The following INSYN2A variants were observed in gnomAD, a reference collection of about 807,000 sequenced individuals.
INSYN2A encodes the protein inhibitory synaptic factor 2A.
INSYN2A carries 17 observed loss-of-function variants against 39.4 expected under a neutral mutation model. The observed-to-expected ratio is 0.43, with a 90% CI of 0.30 to 0.65. INSYN2A has a LOEUF of 0.65. Ranked by LOEUF, INSYN2A falls within the 30% of genes least tolerant of loss-of-function variation. The pLI is 0.14. For synonymous variants in INSYN2A, 255 were observed against 265.7 expected, an observed-to-expected ratio of 0.96 and a Z score of 0.39; for missense variants, 595 against 631.2, an observed-to-expected ratio of 0.94 and a Z score of 0.61.
At chr10:127,142,214 C>T (rs938532263) in intron 5 of INSYN2A, among the ~76,000 whole-genome samples, 9 of 152,198 alleles carry the variant, frequency 5.9e-5, no homozygotes, top group African/African-American at 1.9e-4. Flanking sequence ...TTTCCCAGGG[C>T]GGCTCCAGTG....
chr10:127,186,608 A>T lies in INSYN2A; in HGVS notation c.-269+5997T>A, dbSNP rs1008146272. On this transcript the variant is annotated intron_variant, in intron 2 of 5. Transcript: ENST00000522781. ...TTGGAGGTGAGATTTGGGTGGGGAC[A>T]GAGAGCCAAACCGTATCAGAGGGGC... 4.1e-5 allele frequency among the ~76,000 whole-genome samples: 6 copies of T among 147,682 alleles called. No individual in the cohort carries two copies. In the South Asian group the frequency reaches 6.5e-4, roughly 16 times the overall value.
chr10:127,159,580 G>A (rs1220092354), intron 4 of INSYN2A, among the ~76,000 whole-genome samples: 1 of 152,142 alleles, frequency 6.6e-6, no homozygotes, highest in African/African-American at 2.4e-5. Context: ...CAGGTCTTCA[G>A]TTAATCCTTT....
At chr10:127,173,069 G>T (rs964620727) in intron 4 of INSYN2A, among the ~76,000 whole-genome samples, 1 of 152,132 alleles carries the variant, frequency 6.6e-6, no homozygotes, top group African/African-American at 2.4e-5. Context: ...GCATATAGGG[G>T]ATGCATTCAT....
At chr10:127,192,474 T>G (rs532234310) in intron 2 of INSYN2A, 131 bp downstream of exon 2, 2 of 152,368 alleles carry the variant, frequency 1.3e-5, no homozygotes, top group South Asian at 4.1e-4. Context: ...TGTTTTGTTT[T>G]TATTCAGGTA....
At chr10:127,140,596 T>A (rs1252943779) in intron 5 of INSYN2A, among the ~76,000 whole-genome samples, 1 of 152,188 alleles carries the variant, frequency 6.6e-6, no homozygotes, top group East Asian at 1.9e-4. Flanking sequence ...AGGACTTTTC[T>A]TGGGGAAGCA....
intron 4 of INSYN2A, among the ~76,000 whole-genome samples, chr10:127,168,835 A>G (rs1288618735): frequency 2.0e-5 from 3 of 152,112 alleles, no homozygotes; most frequent in Admixed American, 6.5e-5. Context: ...AGCGGTGCAC[A>G]ATTTTCCATG....
intron 2 of INSYN2A, among the ~76,000 whole-genome samples, chr10:127,182,112 G>A (rs1467166886): frequency 6.6e-6 from 1 of 152,084 alleles, no homozygotes; most frequent in Non-Finnish European, 1.5e-5. Flanking sequence ...ACACGGAGAT[G>A]GCACGCCCCG....
chr10:127,191,683 C>G (rs1410823828), intron 2 of INSYN2A, among the ~76,000 whole-genome samples: 2 of 152,190 alleles, frequency 1.3e-5, no homozygotes, highest in Non-Finnish European at 2.9e-5. Flanking sequence ...CCTAGAAACA[C>G]AAAGACTGCT....
At chr10:127,172,997 T>C (rs11816150) in intron 4 of INSYN2A, among the ~76,000 whole-genome samples, 5,796 of 152,284 alleles carry the variant, frequency 0.038, 387 homozygotes, top group African/African-American at 0.13. Context: ...TAGTGGCCAC[T>C]GTATTGGATA....
In INSYN2A at chr10:127,176,118, C is replaced by T. The variant is rs755325636; in HGVS notation, c.278G>A (p.Arg93His). ...CTTGGTGACGTTGGGGATGGACCTG[C>T]GTGCGGGCACTGTCATGTATTTGCG... ...AYRKYMTVPARRSIPNVTKST... is the reference protein window; with the variant it reads ...AYRKYMTVPAHRSIPNVTKST... Residue 93 changes from arginine to histidine, a missense_variant, in exon 4 of 6, where the codon CGC (arginine) becomes CAC (histidine). By Grantham distance (29) the Arg-to-His change is conservative. Coordinates refer to ENST00000522781, the MANE Select transcript of INSYN2A (RefSeq NM_001039762.3). This position sits in a 1 kb window ranked among gnomAD's most constrained non-coding sequence, Gnocchi z 4.4. 14 of 1,614,120 alleles carry T rather than the reference C, an allele frequency of 8.7e-6. No homozygotes were observed. In the Admixed American group the frequency reaches 1.8e-4, roughly 21 times the overall value.
intron 5 of INSYN2A, 32 bp downstream of exon 5, chr10:127,153,814 CATAATA>C: frequency 6.8e-7 from 1 of 1,474,372 alleles, no homozygotes; most frequent in Non-Finnish European, 9.5e-7. Context: ...ATTTGTCACT[CATAATA>C]AGAAAGTGGG....
chr10:127,154,358 G>A (rs1539749), intron 4 of INSYN2A, among the ~76,000 whole-genome samples: 32,072 of 152,216 alleles, frequency 0.21, 4,131 homozygotes, highest in South Asian at 0.34. Flanking sequence ...AAATCCCGCC[G>A]GGGCCTGGTT....
chr10:127,195,991 G>GT lies in INSYN2A; in HGVS notation c.-395+5_-395+6insA. The GT allele has an allele frequency of 6.6e-6, 1 of 152,198 alleles. No homozygotes were observed. Among genetic ancestry groups the GT allele is most frequent in the South Asian group, 2.1e-4 (1 of 4,830 alleles). 9.4% of individuals were successfully genotyped at this position (152,198 alleles called of 1,614,324 possible). A position where few individuals can be genotyped will look rare whatever the true frequency, so the allele number is the denominator to read the frequency against. Reference sequence around the variant, plus strand: ...GCGGGAGGAGGGCACGCGGGGCTCCGCTTACCTTCCGCTGCTTACAGATAA... The same window carrying GT: ...GCGGGAGGAGGGCACGCGGGGCTCCGTCTTACCTTCCGCTGCTTACAGATAA... On this transcript the variant is annotated splice_donor_region_variant and intron_variant, in intron 1 of 5. Coordinates refer to ENST00000522781, the MANE Select transcript of INSYN2A (RefSeq NM_001039762.3).
chr10:127,147,928 G>T (rs753523190), intron 5 of INSYN2A, among the ~76,000 whole-genome samples: 4 of 150,398 alleles, frequency 2.7e-5, no homozygotes, highest in Non-Finnish European at 5.9e-5. Flanking sequence ...CTACTCGGGA[G>T]GCTGAGGCAG....
chr10:127,143,222 TA>T (rs1265393928), intron 5 of INSYN2A, among the ~76,000 whole-genome samples: 1 of 152,194 alleles, frequency 6.6e-6, no homozygotes, highest in Non-Finnish European at 1.5e-5. Flanking sequence ...AGTTAAGAGT[TA>T]AAAGCAGGAC....
At chr10:127,193,814 C>T (rs2056914954) in intron 1 of INSYN2A, among the ~76,000 whole-genome samples, 1 of 152,110 alleles carries the variant, frequency 6.6e-6, no homozygotes, top group South Asian at 2.1e-4. Flanking sequence ...CAGGGGAAAA[C>T]AACTGTGGCA....
intron 2 of INSYN2A, among the ~76,000 whole-genome samples, chr10:127,183,474 G>A (rs2055931899): frequency 6.6e-6 from 1 of 152,176 alleles, no homozygotes. Context: ...GCTGTGCCAG[G>A]AAGAAAAGGA....
chr10:127,149,661 A>G (rs1382827331), intron 5 of INSYN2A, among the ~76,000 whole-genome samples: 1 of 151,930 alleles, frequency 6.6e-6, no homozygotes, highest in East Asian at 2.0e-4. Context: ...GGCAGGGTCA[A>G]ATTCATTTCC....
At chr10:127,181,558 T>C (rs905885969) in intron 2 of INSYN2A, among the ~76,000 whole-genome samples, 16 of 152,290 alleles carry the variant, frequency 1.1e-4, no homozygotes, top group Admixed American at 1.0e-3. Context: ...CACAAGGGAT[T>C]GTATGAAATT....
Sources: gnomAD v4.1 joint callset for allele counts (sites outside exome capture counted in the v4.1 genomes callset) on GRCh38, gnomAD v4.1.1 for gene constraint, Gnocchi (gnomAD v3.1) non-coding constraint, MANE v1.5 for transcripts, NCBI Gene and HGNC (gene_info 2026-07-23, HGNC 2026-07-21) for gene names.